The following LPAR5 variants were observed in gnomAD, a reference collection of about 807,000 sequenced individuals.
LPAR5 encodes the protein lysophosphatidic acid receptor 5.
For synonymous variants in LPAR5, 271 were observed against 261.6 expected (o/e 1.04, Z -0.35); for missense variants, 544 against 521.8 (o/e 1.04, Z -0.41).
Position 6,621,298 on chromosome 12 carries a change from C to G in LPAR5, c.-50G>C. On this transcript the variant is annotated 5_prime_UTR_variant, in exon 2 of 2. Coordinates refer to ENST00000329858, the MANE Select transcript of LPAR5 (RefSeq NM_020400.6). The stretch of plus-strand genomic sequence containing the variant: ...AGGCTGGGGATGCCATGGAGCACAC[C>G]AGAATCATGGCATGGCATTCACCTC... The G allele has an allele frequency of 2.8e-6, 4 of 1,442,332 alleles. No individual in the cohort carries two copies. Among genetic ancestry groups the G allele is most frequent in the Non-Finnish European group, 2.7e-6 (3 of 1,096,194 alleles). 89.3% of individuals were successfully genotyped at this position (1,442,332 alleles called of 1,614,324 possible). A position where few individuals can be genotyped will look rare whatever the true frequency, so the allele number is the denominator to read the frequency against.
chr12:6,621,082 A>C lies in LPAR5; in HGVS notation c.167T>G (p.Val56Gly). 6.2e-7 allele frequency: 1 copy of C among 1,603,212 alleles called. No individual in the cohort carries two copies. Among genetic ancestry groups the C allele is most frequent in the African/African-American group, 1.3e-5 (1 of 74,780 alleles). ...VFLRALRVHS[V>G]VSVYMCNLAA... ...CAGGTTACACATGTACACGCTCACC[A>C]CCGAGTGCACGCGCAGCGCGCGCAG... Residue 56 changes from valine (V) to glycine (G), a missense_variant, in exon 2 of 2, where the codon GTG (valine) becomes GGG (glycine). Physicochemically the swap from Val to Gly is moderately radical, Grantham distance 109. Coordinates refer to ENST00000329858, the MANE Select transcript of LPAR5 (RefSeq NM_020400.6).
chr12:6,621,314 C>A lies in LPAR5; in HGVS notation c.-66G>T, dbSNP rs976898163. Reference sequence around the variant, plus strand: ...GGAGCACACCAGAATCATGGCATGGCATTCACCTCCGGGGCTGGGGCCTAG... The same window carrying A: ...GGAGCACACCAGAATCATGGCATGGAATTCACCTCCGGGGCTGGGGCCTAG... On this transcript the variant is annotated 5_prime_UTR_variant, in exon 2 of 2. The change abolishes an upstream ATG in the 5' untranslated region. Transcript: ENST00000329858. 7.1e-7 allele frequency: 1 copy of A among 1,406,266 alleles called. No individual in the cohort carries two copies. The highest frequency in any genetic ancestry group is 1.5e-5 in the African/African-American group (1 of 68,010). 87.1% of individuals were successfully genotyped at this position (1,406,266 alleles called of 1,614,324 possible).
chr12:6,625,720 C>CA (rs34076581), intron 1 of LPAR5, among the ~76,000 whole-genome samples: 94,649 of 138,438 alleles, frequency 0.68, 32,336 homozygotes, highest in Middle Eastern at 0.81. Context: ...GACTCCGTCT[C>CA]AAAAAAAAAA....
At position 6,634,451 on chromosome 12, in the gene LPAR5, CA is replaced by C. The variant is rs1565389822; in HGVS notation, c.-217+1455del. Reference sequence around the variant, plus strand: ...AACATGGTGAAACCCTGTCTCTACACAAACACACACACACCCAAAAAAAATA... The same window carrying C: ...AACATGGTGAAACCCTGTCTCTACACAACACACACACACCCAAAAAAAATA... On this transcript the variant is annotated intron_variant, in intron 1 of 1. Coordinates refer to ENST00000329858, the MANE Select transcript of LPAR5 (RefSeq NM_020400.6). Among the ~76,000 whole-genome samples the C allele has an allele frequency of 2.0e-5, 3 of 150,982 alleles. No individual in the cohort carries two copies. The South Asian group carries it at 6.3e-4, about 32-fold the overall frequency.
chr12:6,627,389 A>G (rs1948949268), intron 1 of LPAR5, among the ~76,000 whole-genome samples: 1 of 152,186 alleles, frequency 6.6e-6, no homozygotes, highest in African/African-American at 2.4e-5. Flanking sequence ...CAGGAGTTCG[A>G]GACCAGCCTG....
At chr12:6,633,641 G>C (rs1948994502) in intron 1 of LPAR5, among the ~76,000 whole-genome samples, 1 of 152,156 alleles carries the variant, frequency 6.6e-6, no homozygotes, top group Non-Finnish European at 1.5e-5. Context: ...TTGAATGCCT[G>C]ACCTCAGGTG....
chr12:6,629,070 C>G (rs1418453780), intron 1 of LPAR5, among the ~76,000 whole-genome samples: 2 of 146,616 alleles, frequency 1.4e-5, no homozygotes, highest in African/African-American at 5.0e-5. Context: ...GATCTCAAGT[C>G]TTTCTGTTGA....
chr12:6,626,207 A>G (rs1189075454), intron 1 of LPAR5, among the ~76,000 whole-genome samples: 2 of 152,200 alleles, frequency 1.3e-5, no homozygotes, highest in African/African-American at 4.8e-5. Context: ...GGAGGCAGAC[A>G]GAGGTTGCAG....
chr12:6,620,386 G>C lies in LPAR5; in HGVS notation c.863C>G (p.Ala288Gly), dbSNP rs763959609. The change falls in exon 2 of 2, where the codon GCC becomes GGC. Residue 288 changes from alanine to glycine, a missense_variant. Transcript: ENST00000329858. This position sits in a 1 kb window ranked among gnomAD's most constrained non-coding sequence, Gnocchi z 6.8. ...CACCAGCGGGTCCAGCACGCAGTTG[G>C]CGCCGGCCAGCAGCACCATCACCAT... The part of the protein sequence containing the change: ...VLMVMVLLAG[A>G]NCVLDPLVYY... 1 of 1,611,564 alleles carries C rather than the reference G, an allele frequency of 6.2e-7. No individual in the cohort carries two copies. The highest frequency in any genetic ancestry group is 8.5e-7 in the Non-Finnish European group (1 of 1,179,266).
chr12:6,620,491 G>A lies in LPAR5; in HGVS notation c.758C>T (p.Thr253Met). The A allele has an allele frequency of 1.9e-6, 3 of 1,587,638 alleles. No homozygotes were observed. Among genetic ancestry groups the A allele is most frequent in the Non-Finnish European group, 2.6e-6 (3 of 1,166,806 alleles). ...CCGCAGCAGCCCGTAGACCGCCAGCGTGCTGTTGTAGGGCACGAAGCACAG... is the reference window on the plus strand; with the variant it reads ...CCGCAGCAGCCCGTAGACCGCCAGCATGCTGTTGTAGGGCACGAAGCACAG... ...FLLCFVPYNS[T>M]LAVYGLLRSK... Residue 253 changes from threonine to methionine, a missense_variant, in exon 2 of 2, where the codon ACG becomes ATG. By Grantham distance (81) the Thr-to-Met change is moderately conservative (BLOSUM62 -1). Coordinates refer to ENST00000329858, the MANE Select transcript of LPAR5 (RefSeq NM_020400.6). This position sits in a 1 kb window ranked among gnomAD's most constrained non-coding sequence, Gnocchi z 6.8.
chr12:6,631,270 T>C (rs1209437035), intron 1 of LPAR5, among the ~76,000 whole-genome samples: 1 of 152,194 alleles, frequency 6.6e-6, no homozygotes, highest in Admixed American at 6.5e-5. Flanking sequence ...TAGAACTCAG[T>C]GTCTATACAC....
At position 6,630,433 on chromosome 12, in the gene LPAR5, C is replaced by CTTTTTT. The variant is rs34529805; in HGVS notation, c.-217+5468_-217+5473dup. 3.3e-4 allele frequency among the ~76,000 whole-genome samples: 14 copies of CTTTTTT among 41,826 alleles called. 3 individuals are homozygous for CTTTTTT. The highest frequency in any genetic ancestry group is 9.4e-4 in the African/African-American group (9 of 9,544). The allele number at this position is 41,826 out of a possible 152,430, so 27.4% of individuals were successfully genotyped here. Reference sequence around the variant, plus strand: ...GAGTGAACCACTGCACCCAGCCCATCTTTTTTTTTTTTTTTTTTTTTTTTT... The same window carrying CTTTTTT: ...GAGTGAACCACTGCACCCAGCCCATCTTTTTTTTTTTTTTTTTTTTTTTTTTTTTTT... On this transcript the variant is annotated intron_variant, in intron 1 of 1. Coordinates refer to ENST00000329858, the MANE Select transcript of LPAR5 (RefSeq NM_020400.6).
chr12:6,620,115 C>CAATG lies in LPAR5; in HGVS notation c.*11_*14dup. The CAATG allele has an allele frequency of 1.1e-5, 17 of 1,613,730 alleles. No individual in the cohort carries two copies. Among genetic ancestry groups the CAATG allele is most frequent in the Non-Finnish European group, 1.4e-5 (17 of 1,179,918 alleles). On this transcript the variant is annotated 3_prime_UTR_variant, in exon 2 of 2. Coordinates refer to ENST00000329858, the MANE Select transcript of LPAR5 (RefSeq NM_020400.6). This position sits in a 1 kb window ranked among gnomAD's most constrained non-coding sequence, Gnocchi z 6.8. ...CGTTGGGAGTCGGGCACGGACAGCG[C>CAATG]AATGGCATGTGTGTTCAGAGGGCGG...
chr12:6,621,995 G>A (rs577728056), intron 1 of LPAR5, among the ~76,000 whole-genome samples: 1 of 151,388 alleles, frequency 6.6e-6, no homozygotes, highest in East Asian at 2.0e-4. Context: ...GGGCGTGGTG[G>A]TGCACACCTG....
intron 1 of LPAR5, chr12:6,631,623 G>C (rs1948981328): frequency 6.6e-6 from 1 of 152,298 alleles, no homozygotes; most frequent in Admixed American, 6.5e-5. Context: ...TTTGCCCTCT[G>C]AGCTGGGCTG....
intron 1 of LPAR5, among the ~76,000 whole-genome samples, chr12:6,634,956 T>G (rs1949001299): frequency 6.6e-6 from 1 of 151,110 alleles, no homozygotes. Flanking sequence ...GGCATGGTGG[T>G]GCGTACCTAT....
Position 6,620,619 on chromosome 12 carries a change from C to G in LPAR5, c.630G>C (p.Ser210=), listed in dbSNP as rs192122567. 3.9e-6 allele frequency: 6 copies of G among 1,551,826 alleles called. No homozygotes were observed. Among genetic ancestry groups the G allele is most frequent in the Middle Eastern group, 1.7e-4 (1 of 5,988 alleles). The part of the protein sequence containing the change: ...FLLPLAAVVY[S]SGRVFWTLAR... ...CCAGCGTCCAGAAGACTCGGCCCGA[C>G]GAGTAGACCACCGCCGCCAGGGGCA... Residue 210 remains serine (S), a synonymous_variant, in exon 2 of 2, where the codon TCG becomes TCC. Coordinates refer to ENST00000329858, the MANE Select transcript of LPAR5 (RefSeq NM_020400.6). This position sits in a 1 kb window ranked among gnomAD's most constrained non-coding sequence, Gnocchi z 6.8.
intron 1 of LPAR5, among the ~76,000 whole-genome samples, chr12:6,621,699 CA>C (rs1168573703): frequency 2.0e-5 from 3 of 152,152 alleles, no homozygotes; most frequent in Non-Finnish European, 2.9e-5. Context: ...TGTGTGACTT[CA>C]AAAAAATTAA....
At position 6,635,102 on chromosome 12, in the gene LPAR5, A is replaced by G. The variant is rs533010899; in HGVS notation, c.-217+805T>C. ...ACTCTGTCTCAAAAAAAAAAAAAAG[A>G]AAGGAAGGAAGGAAGAGAGAAAAAA... On this transcript the variant is annotated intron_variant, in intron 1 of 1. Transcript: ENST00000329858. 1.9e-3 allele frequency among the ~76,000 whole-genome samples: 282 copies of G among 146,194 alleles called. 1 individual carries two copies. The highest frequency in any genetic ancestry group is 6.6e-3 in the African/African-American group (266 of 40,216).
Sources: allele counts gnomAD v4.1 joint callset (sites outside exome capture counted in the v4.1 genomes callset), GRCh38; gene constraint gnomAD v4.1.1; non-coding constraint Gnocchi (gnomAD v3.1); transcripts MANE v1.5; gene names NCBI Gene and HGNC (gene_info 2026-07-23, HGNC 2026-07-21).